Variants in GUCY2C observed in about 807,000 individuals in gnomAD.
GUCY2C encodes guanylate cyclase 2C.
Under a neutral mutation model 131.1 loss-of-function variants are expected in GUCY2C, and 118 were observed. That is an observed-to-expected ratio of 0.90 (90% confidence interval 0.78 to 1.05). The LOEUF is 1.05. Among genes scored for constraint, GUCY2C ranks in the 50% least tolerant of loss-of-function variants. GUCY2C has a pLI of 0.00. For synonymous variants in GUCY2C, 452 were observed against 457.8 expected, an observed-to-expected ratio of 0.99 and a Z score of 0.16; for missense variants, 1,161 against 1,304.4, an observed-to-expected ratio of 0.89 and a Z score of 1.69.
chr12:14,633,433 A>T (rs1401121369), intron 19 of GUCY2C, among the ~76,000 whole-genome samples: 1 of 152,166 alleles, frequency 6.6e-6, no homozygotes, highest in Non-Finnish European at 1.5e-5. Flanking sequence ...TATGAAAGCA[A>T]ATGTTAAAAT....
At chr12:14,650,616 C>G (rs1487956143) in intron 15 of GUCY2C, among the ~76,000 whole-genome samples, 5 of 152,180 alleles carry the variant, frequency 3.3e-5, no homozygotes, top group Non-Finnish European at 7.3e-5. Context: ...TCCTGGCCAG[C>G]CCCCTGCTCA....
At chr12:14,615,354 C>G (rs1946737202) in intron 25 of GUCY2C, among the ~76,000 whole-genome samples, 1 of 151,936 alleles carries the variant, frequency 6.6e-6, no homozygotes, top group Non-Finnish European at 1.5e-5. Context: ...TAAAGTTTTG[C>G]TACAAAACTT....
intron 1 of GUCY2C, among the ~76,000 whole-genome samples, chr12:14,694,015 A>C (rs953371630): frequency 6.6e-6 from 1 of 152,228 alleles, no homozygotes; most frequent in Non-Finnish European, 1.5e-5. Context: ...ACTACCATTT[A>C]TTGAGTTCTT....
At chr12:14,680,878 G>A (rs1201316918) in intron 5 of GUCY2C, among the ~76,000 whole-genome samples, 3 of 152,124 alleles carry the variant, frequency 2.0e-5, no homozygotes, top group East Asian at 1.9e-4. Context: ...GGGCAGGTGA[G>A]ATACAGAAGG....
chr12:14,687,172 C>T (rs369025376), intron 2 of GUCY2C, among the ~76,000 whole-genome samples: 12 of 152,132 alleles, frequency 7.9e-5, no homozygotes, highest in East Asian at 3.8e-4. Flanking sequence ...GCAGATTCAA[C>T]GCTTAAGCAA....
In GUCY2C at chr12:14,683,266, A is replaced by G. The variant is rs1386519818; in HGVS notation, c.396-9T>C. On this transcript the variant is annotated splice_polypyrimidine_tract_variant and intron_variant, in intron 3 of 26. Transcript: ENST00000261170. ...TCAATTCTGTGTCAAGGCTATGTCA[A>G]GAGGTTGAGGAAAAAAGCCATTATC... The G allele has an allele frequency of 2.5e-6, 4 of 1,593,234 alleles. No individual in the cohort carries two copies. In the African/African-American group the frequency reaches 5.4e-5, roughly 21 times the overall value.
At chr12:14,666,735 CAA>C (rs5796603) in intron 10 of GUCY2C, among the ~76,000 whole-genome samples, 311 of 130,572 alleles carry the variant, frequency 2.4e-3, no homozygotes, top group East Asian at 7.8e-3. Flanking sequence ...ACAATGTCTC[CAA>C]AAAAAAAAAA....
At chr12:14,634,158 A>G (rs539950729) in intron 19 of GUCY2C, among the ~76,000 whole-genome samples, 3 of 152,228 alleles carry the variant, frequency 2.0e-5, no homozygotes, top group African/African-American at 7.2e-5. Flanking sequence ...GTTACTTATA[A>G]GGAAACCCCC....
intron 1 of GUCY2C, 70 bp from the exon 2 acceptor site, chr12:14,688,133 T>C (rs1948509664): frequency 1.0e-6 from 1 of 974,856 alleles, no homozygotes; most frequent in Non-Finnish European, 1.7e-6. Context: ...AGCCATGAGA[T>C]TGATTCTGGG....
chr12:14,675,458 GT>G (rs199566010), intron 7 of GUCY2C, among the ~76,000 whole-genome samples: 1,923 of 152,138 alleles, frequency 0.013, 44 homozygotes, highest in African/African-American at 0.044. Context: ...TTAGTTTCTA[GT>G]TGATTGTTTT....
At chr12:14,617,767 A>C (rs1946800198) in intron 24 of GUCY2C, among the ~76,000 whole-genome samples, 1 of 152,228 alleles carries the variant, frequency 6.6e-6, no homozygotes, top group Non-Finnish European at 1.5e-5. Flanking sequence ...AACGCTTAAC[A>C]TGACATCATC....
At chr12:14,637,802 G>A (rs138826112) in intron 19 of GUCY2C, among the ~76,000 whole-genome samples, 7 of 152,278 alleles carry the variant, frequency 4.6e-5, no homozygotes, top group Admixed American at 3.9e-4. Flanking sequence ...AAAGACTTTA[G>A]GACATTGGTT....
intron 6 of GUCY2C, 68 bp downstream of exon 6, chr12:14,679,589 G>A (rs961703647): frequency 3.2e-5 from 26 of 802,120 alleles, no homozygotes; most frequent in Non-Finnish European, 5.3e-5. Context: ...AAGAGAATGT[G>A]CCTTCTGGAA....
At chr12:14,666,195 G>A (rs1947976213) in intron 10 of GUCY2C, among the ~76,000 whole-genome samples, 2 of 152,294 alleles carry the variant, frequency 1.3e-5, no homozygotes, top group East Asian at 1.9e-4. Flanking sequence ...ATGCAAATGC[G>A]GCCTCTACCT....
intron 23 of GUCY2C, among the ~76,000 whole-genome samples, chr12:14,620,107 C>G (rs907683111): frequency 2.0e-5 from 3 of 152,158 alleles, no homozygotes; most frequent in Non-Finnish European, 2.9e-5. Flanking sequence ...ACCTGTAACT[C>G]ATCTCAAACC....
At position 14,640,987 on chromosome 12, in the gene GUCY2C, T is replaced by G. The variant is rs1197586079; in HGVS notation, c.2068+95A>C. The stretch of plus-strand genomic sequence containing the variant: ...ATCATTAATTTTGCATTTGAAGGAA[T>G]TGTGATGTGGTTACAGACAGATTAG... On this transcript the variant is annotated intron_variant, in intron 18 of 26. Transcript: ENST00000261170. The G allele has an allele frequency of 4.3e-5, 46 of 1,064,768 alleles. No homozygotes were observed. In the East Asian group the frequency reaches 1.1e-3, roughly 24 times the overall value. 66.0% of individuals were successfully genotyped at this position (1,064,768 alleles called of 1,614,324 possible). A position where few individuals can be genotyped will look rare whatever the true frequency, so the allele number is the denominator to read the frequency against.
intron 3 of GUCY2C, 38 bp from the exon 4 acceptor site, chr12:14,683,295 ATTAAC>A (rs758064362): frequency 1.5e-5 from 19 of 1,306,480 alleles, no homozygotes; most frequent in Non-Finnish European, 2.1e-5. Flanking sequence ...CATTATCAGT[ATTAAC>A]TTAAGTAGCA....
chr12:14,643,714 T>A lies in GUCY2C; in HGVS notation c.1798-8A>T. The A allele has an allele frequency of 6.2e-7, 1 of 1,608,474 alleles. No individual in the cohort carries two copies. The highest frequency in any genetic ancestry group is 1.1e-5 in the South Asian group (1 of 90,156). On this transcript the variant is annotated splice_region_variant and splice_polypyrimidine_tract_variant and intron_variant, in intron 16 of 26. Transcript: ENST00000261170. ...GTGCAGATATGACATTCCCTGTAAT[T>A]TTTTAGATGATAGAAAAACAGAAAT...
intron 10 of GUCY2C, among the ~76,000 whole-genome samples, chr12:14,664,561 G>C (rs775139807): frequency 5.9e-5 from 9 of 151,840 alleles, no homozygotes; most frequent in Non-Finnish European, 1.2e-4. Context: ...TTTCAGTTTT[G>C]CCTTTTAGAT....
Sources: allele counts gnomAD v4.1 joint callset (sites outside exome capture counted in the v4.1 genomes callset), GRCh38; gene constraint gnomAD v4.1.1; transcripts MANE v1.5; gene names NCBI Gene and HGNC (gene_info 2026-07-23, HGNC 2026-07-21).